The following CNIH4 variants were observed in gnomAD, a reference collection of about 807,000 sequenced individuals.
CNIH4 encodes protein cornichon homolog 4.
In CNIH4, 9 loss-of-function variants were observed where a neutral mutation model predicts 21.5. The observed-to-expected ratio is 0.42, with a 90% confidence interval of 0.25 to 0.73. CNIH4 has a LOEUF of 0.73. Ranked by LOEUF, CNIH4 falls within the 30% of genes least tolerant of loss-of-function variation. CNIH4 has a pLI of 0.27. For missense variants in CNIH4, 159 were observed against 170.0 expected, an observed-to-expected ratio of 0.94 and a Z score of 0.36; for synonymous variants, 67 against 59.1, an observed-to-expected ratio of 1.13 and a Z score of -0.61.
intron 2 of CNIH4, among the ~76,000 whole-genome samples, chr1:224,361,151 T>C (rs894061478): frequency 1.4e-5 from 2 of 146,316 alleles, no homozygotes; most frequent in African/African-American, 5.1e-5. Flanking sequence ...AGTCTCACTC[T>C]GTCACCCAGG....
In CNIH4 at chr1:224,376,276, CTTCA is replaced by C. The variant is rs1572137607; in HGVS notation, c.*457_*460del. ...ACCCTTTTTGCTTGTGTTGTGACAA[CTTCA>C]TTTAATATGGTTTAAAGATTTATGA... On this transcript the variant is annotated 3_prime_UTR_variant, in exon 5 of 5. Transcript: ENST00000465271. 2 of 986,182 alleles carry C rather than the reference CTTCA, an allele frequency of 2.0e-6. No individual in the cohort carries two copies. The highest frequency in any genetic ancestry group is 2.4e-6 in the Non-Finnish European group (2 of 830,608). 61.1% of individuals were successfully genotyped at this position (986,182 alleles called of 1,614,324 possible). A position where few individuals can be genotyped will look rare whatever the true frequency, so the allele number is the denominator to read the frequency against.
chr1:224,362,635 G>T (rs1441544449), intron 2 of CNIH4, among the ~76,000 whole-genome samples: 1 of 151,500 alleles, frequency 6.6e-6, no homozygotes, highest in Non-Finnish European at 1.5e-5. Context: ...GACTACAGGC[G>T]CCTGCCACCA....
chr1:224,358,616 T>TA (rs555935842), intron 1 of CNIH4, among the ~76,000 whole-genome samples: 60 of 152,324 alleles, frequency 3.9e-4, no homozygotes, highest in Non-Finnish European at 6.5e-4. Context: ...TCATTAGTAT[T>TA]AGTGTATTTT....
rs57719044 is a variant in CNIH4, at chr1:224,377,589, G to A, written c.*1767G>A. ...CAACCTCTGCTTTCTGGGTTCAAGC[G>A]ATTCTCCTGCCTCAGCCTCCCAAGT... On this transcript the variant is annotated 3_prime_UTR_variant, in exon 5 of 5. Transcript: ENST00000465271. 0.088 allele frequency: 13,337 copies of A among 151,342 alleles called. 1,824 individuals are homozygous for A. Among genetic ancestry groups the A allele is most frequent in the African/African-American group, 0.29 (12,083 of 41,034 alleles). The allele number at this position is 151,342 out of a possible 1,614,324, so 9.4% of individuals were successfully genotyped here.
chr1:224,360,733 T>G (rs1036009026), intron 2 of CNIH4, among the ~76,000 whole-genome samples, 170 bp downstream of exon 2: 1 of 152,358 alleles, frequency 6.6e-6, no homozygotes, highest in South Asian at 2.1e-4. Context: ...CATGAAATTA[T>G]GCTAGAAGAT....
In CNIH4 at chr1:224,377,837, C is replaced by T. The variant is rs1047176732; in HGVS notation, c.*2015C>T. Reference sequence around the variant, plus strand: ...TTCTCATTCAGATATTCTTAGTAACCAAAACAGTGACTCATGCAGTTGAGA... The same window carrying T: ...TTCTCATTCAGATATTCTTAGTAACTAAAACAGTGACTCATGCAGTTGAGA... On this transcript the variant is annotated 3_prime_UTR_variant, in exon 5 of 5. Coordinates refer to ENST00000465271, the MANE Select transcript of CNIH4 (RefSeq NM_014184.4). 1 of 152,044 alleles carries T rather than the reference C, an allele frequency of 6.6e-6. No individual in the cohort carries two copies. Among genetic ancestry groups the T allele is most frequent in the Non-Finnish European group, 1.5e-5 (1 of 68,030 alleles). The allele number at this position is 152,044 out of a possible 1,614,324, so 9.4% of individuals were successfully genotyped here.
Position 224,379,234 on chromosome 1 carries a change from T to A in CNIH4, c.*3412T>A. 1 of 793,912 alleles carries A rather than the reference T, an allele frequency of 1.3e-6. No individual in the cohort carries two copies. 49.2% of individuals were successfully genotyped at this position (793,912 alleles called of 1,614,324 possible). A position where few individuals can be genotyped will look rare whatever the true frequency, so the allele number is the denominator to read the frequency against. On this transcript the variant is annotated 3_prime_UTR_variant, in exon 5 of 5. Transcript: ENST00000465271. ...CAAAACCTGACCTGGTCTTTGAAGT[T>A]AAGAGCTAAGAAAGCTTCCTATAGT...
chr1:224,363,610 C>T (rs1168615114), intron 2 of CNIH4, among the ~76,000 whole-genome samples: 1 of 152,168 alleles, frequency 6.6e-6, no homozygotes, highest in East Asian at 1.9e-4. Context: ...CAGATGTGCA[C>T]CACCATGCCT....
At position 224,379,184 on chromosome 1, in the gene CNIH4, A is replaced by C. The variant is rs1015806360; in HGVS notation, c.*3362A>C. 5 of 1,318,210 alleles carry C rather than the reference A, an allele frequency of 3.8e-6. No homozygotes were observed. The African/African-American group carries it at 7.3e-5, about 19-fold the overall frequency. The allele number at this position is 1,318,210 out of a possible 1,614,324, so 81.7% of individuals were successfully genotyped here. A position where few individuals can be genotyped will look rare whatever the true frequency, so the allele number is the denominator to read the frequency against. On this transcript the variant is annotated 3_prime_UTR_variant, in exon 5 of 5. Coordinates refer to ENST00000465271, the MANE Select transcript of CNIH4 (RefSeq NM_014184.4). ...AGCAGGTCCCCTCAGCTGCCTTTTC[A>C]TGCCTGCCACAGACTACAGTAGGAC...
At chr1:224,368,224 T>TG (rs1418245622) in intron 3 of CNIH4, among the ~76,000 whole-genome samples, 1 of 152,062 alleles carries the variant, frequency 6.6e-6, no homozygotes, top group Non-Finnish European at 1.5e-5. Context: ...CCCAGCTACT[T>TG]GGGAGGCTGA....
chr1:224,358,762 A>G (rs1049051802), intron 1 of CNIH4, among the ~76,000 whole-genome samples: 2 of 152,210 alleles, frequency 1.3e-5, no homozygotes, highest in Non-Finnish European at 2.9e-5. Context: ...AGGCTTGATA[A>G]TTTTAAATAG....
chr1:224,379,055 T>G lies in CNIH4; in HGVS notation c.*3233T>G, dbSNP rs1229903908. Reference sequence around the variant, plus strand: ...GTATCATTTTCCCTTGCCTTTTTCCTTCTATCCTTTCAGTGGTAGCAACTG... The same window carrying G: ...GTATCATTTTCCCTTGCCTTTTTCCGTCTATCCTTTCAGTGGTAGCAACTG... On this transcript the variant is annotated 3_prime_UTR_variant, in exon 5 of 5. Coordinates refer to ENST00000465271, the MANE Select transcript of CNIH4 (RefSeq NM_014184.4). 8 of 1,550,570 alleles carry G rather than the reference T, an allele frequency of 5.2e-6. No individual in the cohort carries two copies. Among genetic ancestry groups the G allele is most frequent in the Non-Finnish European group, 5.2e-6 (6 of 1,146,948 alleles).
At chr1:224,357,034 A>G (rs1488109651) in intron 1 of CNIH4, 41 bp downstream of exon 1, 2 of 1,586,420 alleles carry the variant, frequency 1.3e-6, no homozygotes, top group Non-Finnish European at 1.7e-6. Flanking sequence ...GCCGGGGGAC[A>G]CGGCTGAGGG....
chr1:224,357,141 G>A, intron 1 of CNIH4, 148 bp downstream of exon 1: 1 of 844,250 alleles, frequency 1.2e-6, no homozygotes, highest in Non-Finnish European at 1.9e-6. Flanking sequence ...GGGCGGTGGC[G>A]CGGGCCCCGG....
At chr1:224,375,683 T>C in intron 4 of CNIH4, 112 bp from the exon 5 acceptor site, 1 of 1,168,314 alleles carries the variant, frequency 8.6e-7, no homozygotes, top group Non-Finnish European at 1.2e-6. Context: ...GATTGTCTTT[T>C]ACTCAAATGA....
rs1174282957 is a variant in CNIH4, at chr1:224,371,286, C to CA, written c.256dup (p.Ile86AsnfsTer7). ...TGTGTATCCTTTAATTTATCAGATACATTATGGTGCCGAGTGGTAACATGG... is the reference window on the plus strand; with the variant it reads ...TGTGTATCCTTTAATTTATCAGATACAATTATGGTGCCGAGTGGTAACATGG... On this transcript the variant is annotated frameshift_variant, in exon 4 of 5. Coordinates refer to ENST00000465271, the MANE Select transcript of CNIH4 (RefSeq NM_014184.4). LOFTEE classifies it high-confidence loss of function. 3 of 1,612,470 alleles carry CA rather than the reference C, an allele frequency of 1.9e-6. No individual in the cohort carries two copies. Among genetic ancestry groups the CA allele is most frequent in the Non-Finnish European group, 2.5e-6 (3 of 1,179,454 alleles).
At chr1:224,357,277 C>T in intron 1 of CNIH4, 1 of 334,988 alleles carries the variant, frequency 3.0e-6, no homozygotes, top group East Asian at 5.6e-5. Context: ...CGCCCCGTCT[C>T]GGCCTGCCCG....
At chr1:224,361,999 T>C (rs897276904) in intron 2 of CNIH4, among the ~76,000 whole-genome samples, 3 of 152,162 alleles carry the variant, frequency 2.0e-5, no homozygotes, top group South Asian at 2.1e-4. Flanking sequence ...GGTTCTAGGC[T>C]GGAAAAGATT....
At chr1:224,364,283 A>G (rs377744464) in intron 2 of CNIH4, 5 of 985,326 alleles carry the variant, frequency 5.1e-6, no homozygotes, top group East Asian at 1.1e-4. Context: ...TCTGTGTAAT[A>G]CAAAGATGAC....
Sources: gnomAD v4.1 joint callset for allele counts (sites outside exome capture counted in the v4.1 genomes callset) on GRCh38, gnomAD v4.1.1 for gene constraint, MANE v1.5 for transcripts, NCBI Gene and HGNC (gene_info 2026-07-23, HGNC 2026-07-21) for gene names.